Variants in DYSF observed in about 807,000 individuals in gnomAD.
DYSF encodes the protein dysferlin, also known as dystrophy-associated fer-1-like 1.
In DYSF, 212 loss-of-function variants were observed where a neutral mutation model predicts 274.9. That is an observed-to-expected ratio of 0.77 (90% confidence interval 0.69 to 0.86). The LOEUF (loss-of-function observed/expected upper bound fraction) is 0.86, where lower values mean the gene tolerates loss of function less well. Among genes scored for constraint, DYSF ranks in the 40% least tolerant of loss-of-function variants. DYSF has a pLI of 0.00. For synonymous variants in DYSF, 1,091 were observed against 1,078.7 expected (o/e 1.01, Z -0.22); for missense variants, 2,666 against 2,783.2 (o/e 0.96, Z 0.95).
rs547232443 is a variant in DYSF at position 71,552,596 on chromosome 2, AC to A, written c.1807-412del. Among the ~76,000 whole-genome samples, 385 of 152,232 alleles carry A rather than the reference AC, an allele frequency of 2.5e-3. 2 individuals carry two copies. The highest frequency in any genetic ancestry group is 9.0e-3 in the African/African-American group (374 of 41,534). On this transcript the variant is annotated intron_variant, in intron 19 of 55. Transcript: ENST00000410020. ...TGAAGAGCTGGCTGCTGAGGGAGAG[AC>A]CCTGAGTGGCATGGGGCAGGAGCTC...
intron 52 of DYSF, among the ~76,000 whole-genome samples, chr2:71,676,126 C>T (rs753140465): frequency 2.3e-4 from 35 of 152,132 alleles, no homozygotes; most frequent in Non-Finnish European, 4.1e-4. Flanking sequence ...GTAACACCCT[C>T]GGCATATGCA....
chr2:71,671,502 C>T (rs1309274247), intron 51 of DYSF, among the ~76,000 whole-genome samples: 1 of 152,194 alleles, frequency 6.6e-6, no homozygotes, highest in Non-Finnish European at 1.5e-5. Context: ...GAGACTGAGA[C>T]CGAGAGGAAT....
intron 41 of DYSF, among the ~76,000 whole-genome samples, chr2:71,633,175 G>A (rs2094343407): frequency 6.6e-6 from 1 of 152,158 alleles, no homozygotes; most frequent in South Asian, 2.1e-4. Context: ...TCAACGTGGT[G>A]GCTGGCTGTG....
At position 71,611,316 on chromosome 2, in the gene DYSF, C is replaced by T. The variant is rs1205007872; in HGVS notation, c.4029C>T (p.Ile1343=). The change falls in exon 37 of 56, where the codon ATC becomes ATT. Residue 1343 remains isoleucine (I), a synonymous_variant. Transcript: ENST00000410020. ...ACATCTACATGGTTCCTCAGAACAT[C>T]AAGCCAGCGCTCCAGCGTACCGCCA... ...EANIYMVPQN[I]KPALQRTAIE... is the part of the protein sequence containing the mutation. 6 of 1,614,000 alleles carry T rather than the reference C, an allele frequency of 3.7e-6. No homozygotes were observed. Among genetic ancestry groups the T allele is most frequent in the Non-Finnish European group, 5.1e-6 (6 of 1,179,890 alleles).
chr2:71,470,784 CA>C (rs1381974520), intron 1 of DYSF, among the ~76,000 whole-genome samples: 20 of 111,504 alleles, frequency 1.8e-4, no homozygotes, highest in African/African-American at 7.1e-4. Context: ...TTCCTTCCTT[CA>C]TTCCTTCCTT....
At chr2:71,507,615 G>GCA (rs144976775) in intron 4 of DYSF, among the ~76,000 whole-genome samples, 11 of 151,944 alleles carry the variant, frequency 7.2e-5, no homozygotes, top group Admixed American at 3.9e-4. Context: ...ACGTGTGCGC[G>GCA]CACACACACA....
At chr2:71,532,842 A>ATCTG (rs1202865859) in intron 14 of DYSF, among the ~76,000 whole-genome samples, 183 of 140,842 alleles carry the variant, frequency 1.3e-3, no homozygotes, top group African/African-American at 2.3e-3. Context: ...CTATCTATCT[A>ATCTG]TCTATCTATC....
intron 30 of DYSF, among the ~76,000 whole-genome samples, chr2:71,583,093 A>G (rs2092951204): frequency 6.6e-6 from 1 of 150,518 alleles, no homozygotes; most frequent in Non-Finnish European, 1.5e-5. Context: ...GATTTCAAGT[A>G]TTTACCACCT....
chr2:71,565,609 C>T (rs1006481236), intron 24 of DYSF, among the ~76,000 whole-genome samples: 3 of 127,900 alleles, frequency 2.3e-5, no homozygotes, highest in East Asian at 1.9e-4. Context: ...CTGAGTGATG[C>T]TGATGCATTC....
chr2:71,525,513 G>A (rs924781105), intron 12 of DYSF, among the ~76,000 whole-genome samples: 13 of 152,238 alleles, frequency 8.5e-5, no homozygotes, highest in Admixed American at 3.3e-4. Context: ...TGCGAGCCAC[G>A]GCGCCCAGGC....
chr2:71,465,566 TG>T (rs914125134), upstream of DYSF, among the ~76,000 whole-genome samples: 2 of 152,104 alleles, frequency 1.3e-5, no homozygotes, highest in Non-Finnish European at 2.9e-5. Flanking sequence ...CAGCACTGGT[TG>T]GGGGCAGGTG....
chr2:71,570,559 G>T (rs1163105670), intron 28 of DYSF, 40 bp from the exon 29 acceptor site: 5 of 1,609,520 alleles, frequency 3.1e-6, no homozygotes, highest in South Asian at 2.2e-5. Context: ...GAGATGGGGG[G>T]AACTGCCAAG....
At chr2:71,462,517 A>G (rs1034583209), upstream of DYSF, among the ~76,000 whole-genome samples, 1 of 152,156 alleles carries the variant, frequency 6.6e-6, no homozygotes, top group African/African-American at 2.4e-5. Context: ...AGGCTGTTTC[A>G]GCCTTGTTTG....
rs1559185322 is a variant in DYSF at position 71,570,616 on chromosome 2, A to G, written c.3103A>G (p.Thr1035Ala). 1 of 1,613,972 alleles carries G rather than the reference A, an allele frequency of 6.2e-7. No homozygotes were observed. The highest frequency in any genetic ancestry group is 1.7e-5 in the Admixed American group (1 of 60,000). The change falls in exon 29 of 56, where the codon ACC becomes GCC. Residue 1035 changes from threonine to alanine, a missense_variant. Physicochemically the swap from Thr to Ala is moderately conservative, Grantham distance 58. This residue lies in a region of DYSF where 1,460 missense variants were observed against 1,502.1 expected (regional missense o/e 0.97). Transcript: ENST00000410020. Reference sequence around the variant, plus strand: ...TCCCCCAGGCTGGGAGTATAGCATCACCATCCCCCCGGAGCGGAAGCCGAA... The same window carrying G: ...TCCCCCAGGCTGGGAGTATAGCATCGCCATCCCCCCGGAGCGGAAGCCGAA... Reference protein sequence around the residue: ...VDEQGWEYSITIPPERKPKHW... With the variant: ...VDEQGWEYSIAIPPERKPKHW...
chr2:71,634,553 A>C (rs1290873624), intron 41 of DYSF, among the ~76,000 whole-genome samples: 2 of 152,244 alleles, frequency 1.3e-5, no homozygotes, highest in African/African-American at 4.8e-5. Flanking sequence ...AAATAGCAGA[A>C]ATGACATTTT....
chr2:71,667,939 A>G (rs1160499922), intron 48 of DYSF, among the ~76,000 whole-genome samples: 4 of 152,102 alleles, frequency 2.6e-5, no homozygotes, highest in Non-Finnish European at 5.9e-5. Flanking sequence ...TCCTATGACC[A>G]AATGACAAAG....
intron 1 of DYSF, among the ~76,000 whole-genome samples, chr2:71,474,579 G>T (rs1324632525): frequency 6.6e-6 from 1 of 152,150 alleles, no homozygotes; most frequent in Non-Finnish European, 1.5e-5. Context: ...TTTTCTTGGT[G>T]CCTGTAAATC....
intron 3 of DYSF, 85 bp downstream of exon 3, chr2:71,482,055 AG>A: frequency 8.8e-7 from 1 of 1,139,128 alleles, no homozygotes; most frequent in Non-Finnish European, 1.3e-6. Flanking sequence ...CCCAGGCCCC[AG>A]GGAGCTGGGG....
intron 33 of DYSF, 83 bp downstream of exon 33, chr2:71,598,828 C>G (rs768819237): frequency 2.5e-5 from 38 of 1,520,670 alleles, no homozygotes; most frequent in Non-Finnish European, 3.3e-5. Flanking sequence ...TCGTGGCTGC[C>G]CAGCCAGATG....
Sources: allele counts gnomAD v4.1 joint callset (sites outside exome capture counted in the v4.1 genomes callset), GRCh38; gene constraint gnomAD v4.1.1; regional missense constraint gnomAD v4.1.1; transcripts MANE v1.5; gene names NCBI Gene and HGNC (gene_info 2026-07-23, HGNC 2026-07-21).